The following GXYLT2 variants were observed in gnomAD, a reference collection of about 807,000 sequenced individuals.
GXYLT2 encodes glucoside xylosyltransferase 2, also known as glycosyltransferase 8 domain containing 4.
GXYLT2 carries 53 observed loss-of-function variants against 45.8 expected under a neutral mutation model. The observed-to-expected ratio is 1.16, with a 90% CI of 0.93 to 1.46. The LOEUF (loss-of-function observed/expected upper bound fraction) is 1.46. Among genes scored for constraint, GXYLT2 ranks in the 40% most tolerant of loss-of-function variants. The pLI is 0.00. For synonymous variants in GXYLT2, 219 were observed against 214.2 expected (o/e 1.02, Z -0.19); for missense variants, 551 against 544.4 (o/e 1.01, Z -0.12).
At chr3:72,911,977 ATG>A (rs199508166) in intron 2 of GXYLT2, among the ~76,000 whole-genome samples, 5,499 of 129,026 alleles carry the variant, frequency 0.043, 534 homozygotes, top group African/African-American at 0.17. Flanking sequence ...GTGTGTGTGC[ATG>A]TGTGTGTGTG....
chr3:72,908,780 A>G (rs1249998105), intron 2 of GXYLT2, among the ~76,000 whole-genome samples: 2 of 152,140 alleles, frequency 1.3e-5, no homozygotes, highest in African/African-American at 2.4e-5. Flanking sequence ...CTCTATTGCC[A>G]AGGGTAGAGT....
intron 5 of GXYLT2, among the ~76,000 whole-genome samples, chr3:72,958,878 C>T (rs894872447): frequency 3.3e-5 from 5 of 151,042 alleles, no homozygotes; most frequent in Admixed American, 6.6e-5. Flanking sequence ...GTGATCTGCC[C>T]ACCTCCTCCT....
chr3:72,945,589 G>T (rs1710388731), intron 3 of GXYLT2, among the ~76,000 whole-genome samples: 1 of 152,210 alleles, frequency 6.6e-6, no homozygotes, highest in South Asian at 2.1e-4. Flanking sequence ...ATGGAAGGAA[G>T]GAAGGGGGAG....
intron 3 of GXYLT2, among the ~76,000 whole-genome samples, chr3:72,924,386 G>A (rs533518843): frequency 1.3e-4 from 19 of 151,978 alleles, no homozygotes; most frequent in Non-Finnish European, 1.8e-4. Flanking sequence ...TAGAGATGAT[G>A]TCTTGCTATG....
chr3:72,972,958 G>A (rs539229411), intron 6 of GXYLT2, among the ~76,000 whole-genome samples: 16 of 152,022 alleles, frequency 1.1e-4, no homozygotes, highest in Middle Eastern at 3.4e-3. Flanking sequence ...ACAACTGGGC[G>A]TCATGGCAAG....
chr3:72,930,270 T>C (rs4677210), intron 3 of GXYLT2, among the ~76,000 whole-genome samples: 116,932 of 151,650 alleles, frequency 0.77, 45,539 homozygotes, highest in African/African-American at 0.89. Flanking sequence ...TTCTAGCTGA[T>C]GCGGGCAGAT....
At chr3:72,916,323 A>C (rs1202676351) in intron 2 of GXYLT2, among the ~76,000 whole-genome samples, 2 of 151,476 alleles carry the variant, frequency 1.3e-5, no homozygotes, top group Admixed American at 6.6e-5. Flanking sequence ...GGAAAAAAAA[A>C]AAAGAAAAGA....
At chr3:72,929,205 ACTTT>A (rs1709977916) in intron 3 of GXYLT2, 2 of 1,585,184 alleles carry the variant, frequency 1.3e-6, no homozygotes, top group Admixed American at 3.3e-5. Flanking sequence ...TTTGCCAAAT[ACTTT>A]CTTCACCAAT....
At chr3:72,957,131 C>T (rs958139369) in intron 4 of GXYLT2, 98 bp from the exon 5 acceptor site, 4 of 1,256,030 alleles carry the variant, frequency 3.2e-6, no homozygotes, top group South Asian at 3.3e-5. Flanking sequence ...TTGTTTCCCT[C>T]CTCTGAAGGG....
intron 2 of GXYLT2, among the ~76,000 whole-genome samples, chr3:72,915,271 G>A (rs1709713546): frequency 6.9e-6 from 1 of 145,834 alleles, no homozygotes; most frequent in African/African-American, 2.5e-5. Context: ...AAGCACCAAA[G>A]GGCTGCTTTT....
At chr3:72,957,095 T>G in intron 4 of GXYLT2, 134 bp from the exon 5 acceptor site, 1 of 908,666 alleles carries the variant, frequency 1.1e-6, no homozygotes, top group Non-Finnish European at 1.6e-6. Context: ...TTCTGTGACC[T>G]GAGAATAGCA....
rs1202524160 is a variant in GXYLT2 at position 72,888,381 on chromosome 3, G to A, written c.148G>A (p.Val50Ile). ...ASAPQRHPAP[V>I]PARWPGPGAL... ...CGCCCCGCAGCGCCACCCCGCGCCTGTCCCCGCGCGCTGGCCGGGGCCGGG... is the reference window on the plus strand; with the variant it reads ...CGCCCCGCAGCGCCACCCCGCGCCTATCCCCGCGCGCTGGCCGGGGCCGGG... Residue 50 changes from valine (V) to isoleucine (I), a missense_variant, in exon 1 of 7, where the codon GTC (valine) becomes ATC (isoleucine). Transcript: ENST00000389617. 1.0e-4 allele frequency: 102 copies of A among 987,152 alleles called. No individual in the cohort carries two copies. The highest frequency in any genetic ancestry group is 1.2e-4 in the Non-Finnish European group (98 of 832,860). 61.1% of individuals were successfully genotyped at this position (987,152 alleles called of 1,614,324 possible).
chr3:72,910,801 G>A (rs1371372154), intron 2 of GXYLT2, among the ~76,000 whole-genome samples: 2 of 152,216 alleles, frequency 1.3e-5, no homozygotes, highest in Non-Finnish European at 2.9e-5. Flanking sequence ...TAACTGGCTA[G>A]TAGTCACAAG....
intron 5 of GXYLT2, among the ~76,000 whole-genome samples, chr3:72,959,832 G>C (rs144707697): frequency 3.3e-5 from 5 of 150,378 alleles, no homozygotes; most frequent in African/African-American, 9.8e-5. Flanking sequence ...ACAGGGTTTC[G>C]CCATGTTGGC....
At position 72,975,244 on chromosome 3, in the gene GXYLT2, A is replaced by C; in HGVS notation, c.*85A>C. The C allele has an allele frequency of 9.7e-7, 1 of 1,032,668 alleles. No individual in the cohort carries two copies. The highest frequency in any genetic ancestry group is 1.4e-6 in the Non-Finnish European group (1 of 719,578). The allele number at this position is 1,032,668 out of a possible 1,614,324, so 64.0% of individuals were successfully genotyped here. A position where few individuals can be genotyped will look rare whatever the true frequency, so the allele number is the denominator to read the frequency against. The stretch of plus-strand genomic sequence containing the variant: ...AAGCTGCCTGGGTCTTTTTGTGTGA[A>C]TATTTAATGGTGCTCCATGACTGTT... On this transcript the variant is annotated 3_prime_UTR_variant, in exon 7 of 7. Coordinates refer to ENST00000389617, the MANE Select transcript of GXYLT2 (RefSeq NM_001080393.2).
intron 5 of GXYLT2, among the ~76,000 whole-genome samples, chr3:72,967,136 G>A (rs1376738593): frequency 2.0e-5 from 3 of 152,174 alleles, no homozygotes; most frequent in Non-Finnish European, 4.4e-5. Context: ...TTACATGTAT[G>A]TTTAAAGTTT....
chr3:72,957,419 C>G, intron 5 of GXYLT2, 67 bp downstream of exon 5: 1 of 1,472,988 alleles, frequency 6.8e-7, no homozygotes, highest in East Asian at 2.5e-5. Context: ...GAGCACATTC[C>G]ATGCCCGGGT....
rs1342735797 is a variant in GXYLT2 at position 72,967,738 on chromosome 3, C to G, written c.1149+19C>G. 5.0e-6 allele frequency: 8 copies of G among 1,609,628 alleles called. No individual in the cohort carries two copies. Among genetic ancestry groups the G allele is most frequent in the Non-Finnish European group, 5.9e-6 (7 of 1,176,942 alleles). On this transcript the variant is annotated intron_variant, in intron 6 of 6. Coordinates refer to ENST00000389617, the MANE Select transcript of GXYLT2 (RefSeq NM_001080393.2). Reference sequence around the variant, plus strand: ...ACGGGATGTAAGTGTGCCCTTGCTGCTGTTAGCAGATGTGCTTATCAGCAT... The same window carrying G: ...ACGGGATGTAAGTGTGCCCTTGCTGGTGTTAGCAGATGTGCTTATCAGCAT...
chr3:72,913,240 G>A (rs1209059053), intron 2 of GXYLT2, among the ~76,000 whole-genome samples: 2 of 150,496 alleles, frequency 1.3e-5, no homozygotes, highest in Non-Finnish European at 3.0e-5. Flanking sequence ...GGGTTTCACC[G>A]TGTTAGCCAG....
Sources: allele counts gnomAD v4.1 joint callset (sites outside exome capture counted in the v4.1 genomes callset), GRCh38; gene constraint gnomAD v4.1.1; transcripts MANE v1.5; gene names NCBI Gene and HGNC (gene_info 2026-07-23, HGNC 2026-07-21).